Variants in PLXNA4 observed in about 807,000 individuals in gnomAD.
PLXNA4 encodes plexin-A4.
Under a neutral mutation model 191.8 loss-of-function variants are expected in PLXNA4, and 44 were observed. The ratio of observed to expected loss-of-function variants is 0.23; its 90% CI spans 0.18 to 0.29. The LOEUF (loss-of-function observed/expected upper bound fraction) is 0.29, where lower values mean the gene tolerates loss of function less well. PLXNA4 is among the 10% of genes least tolerant of loss of function. The pLI is 1.00. For synonymous variants in PLXNA4, 1,082 were observed against 1,009.5 expected, an observed-to-expected ratio of 1.07 and a Z score of -1.36; for missense variants, 1,800 against 2,488.8, an observed-to-expected ratio of 0.72 and a Z score of 5.89.
intron 3 of PLXNA4, among the ~76,000 whole-genome samples, chr7:132,440,633 T>C (rs1289319467): frequency 6.6e-6 from 1 of 152,224 alleles, no homozygotes; most frequent in African/African-American, 2.4e-5. Flanking sequence ...TGAATGCTTT[T>C]GCAGTTTTTT....
At chr7:132,266,865 C>T (rs1799877492) in intron 4 of PLXNA4, among the ~76,000 whole-genome samples, 1 of 152,250 alleles carries the variant, frequency 6.6e-6, no homozygotes, top group South Asian at 2.1e-4. Flanking sequence ...AATAAAGTGA[C>T]TGGGCTTCAA....
chr7:132,272,483 A>T (rs73157247), intron 4 of PLXNA4, among the ~76,000 whole-genome samples: 12,836 of 152,222 alleles, frequency 0.084, 708 homozygotes, highest in African/African-American at 0.15. Context: ...GTTTTTATTT[A>T]TTCACTATTT....
intron 1 of PLXNA4, among the ~76,000 whole-genome samples, chr7:132,565,312 G>A (rs982695801): frequency 2.6e-5 from 4 of 152,056 alleles, no homozygotes; most frequent in Non-Finnish European, 4.4e-5. Context: ...TTAGAAGCTC[G>A]GTCTCTGTAT....
chr7:132,194,027 T>G (rs766515835), intron 14 of PLXNA4, 35 bp downstream of exon 14: 1 of 1,596,666 alleles, frequency 6.3e-7, no homozygotes, highest in Non-Finnish European at 8.6e-7. Flanking sequence ...CTCTGTGGCC[T>G]GCACCCAGCC....
chr7:132,163,755 A>G (rs1334080256), intron 24 of PLXNA4, among the ~76,000 whole-genome samples: 3 of 152,198 alleles, frequency 2.0e-5, no homozygotes, highest in Non-Finnish European at 4.4e-5. Flanking sequence ...AACTCTTTCT[A>G]GCTTCCTTTC....
chr7:132,560,123 A>G (rs1216978021), intron 1 of PLXNA4, among the ~76,000 whole-genome samples: 5 of 152,166 alleles, frequency 3.3e-5, no homozygotes, highest in African/African-American at 1.2e-4. Flanking sequence ...ATTATTCCTA[A>G]TGGGCAAGGT....
At chr7:132,280,730 A>G (rs919646360) in intron 4 of PLXNA4, among the ~76,000 whole-genome samples, 1 of 152,202 alleles carries the variant, frequency 6.6e-6, no homozygotes, top group African/African-American at 2.4e-5. Flanking sequence ...CTGAGTCTAC[A>G]CAACAAACTC....
At chr7:132,267,315 C>G (rs1025217319) in intron 4 of PLXNA4, among the ~76,000 whole-genome samples, 1 of 152,210 alleles carries the variant, frequency 6.6e-6, no homozygotes, top group Non-Finnish European at 1.5e-5. Flanking sequence ...GAACACTTTC[C>G]TCTCTAGTCA....
chr7:132,227,423 C>A, intron 7 of PLXNA4, 28 bp downstream of exon 7: 1 of 1,613,782 alleles, frequency 6.2e-7, no homozygotes, highest in Non-Finnish European at 8.5e-7. Flanking sequence ...GAAGAAGTGC[C>A]ACTCAGCTGT....
chr7:132,428,785 G>A (rs974060155), intron 3 of PLXNA4, among the ~76,000 whole-genome samples: 1 of 152,014 alleles, frequency 6.6e-6, no homozygotes, highest in African/African-American at 2.4e-5. Context: ...AATCAGTTTA[G>A]GAAACAGCTC....
intron 1 of PLXNA4, among the ~76,000 whole-genome samples, chr7:132,540,331 C>G (rs1458822638): frequency 1.3e-5 from 2 of 152,190 alleles, no homozygotes; most frequent in Non-Finnish European, 2.9e-5. Flanking sequence ...AGCTCTCACT[C>G]TAGACATTTC....
chr7:132,449,573 G>T (rs932295356), intron 3 of PLXNA4, among the ~76,000 whole-genome samples: 2 of 152,202 alleles, frequency 1.3e-5, no homozygotes, highest in African/African-American at 4.8e-5. Context: ...AAGGGGTGAG[G>T]AGGCAGAGGT....
intron 4 of PLXNA4, among the ~76,000 whole-genome samples, chr7:132,242,473 G>A (rs1057053760): frequency 3.3e-5 from 5 of 152,078 alleles, no homozygotes; most frequent in African/African-American, 1.2e-4. Flanking sequence ...TTCTCAATTA[G>A]TCTCCAACTC....
rs1205760154 is a variant in PLXNA4, at chr7:132,562,035, TC to T, written c.-87+14386del. On this transcript the variant is annotated intron_variant, in intron 1 of 31. Transcript: ENST00000321063. ...CTACTCCTCCTCCTCCTCCTTCTCC[TC>T]CTCTTCCTCCTCCTCTCCCTCCTCC... Among the ~76,000 whole-genome samples the T allele has an allele frequency of 4.6e-5, 6 of 131,082 alleles. 1 individual carries two copies. Among genetic ancestry groups the T allele is most frequent in the East Asian group, 2.6e-4 (1 of 3,828 alleles). 86.0% of individuals were successfully genotyped at this position (131,082 alleles called of 152,430 possible).
At chr7:132,433,895 A>T (rs903043842) in intron 3 of PLXNA4, among the ~76,000 whole-genome samples, 67 of 152,294 alleles carry the variant, frequency 4.4e-4, no homozygotes, top group African/African-American at 1.5e-3. Context: ...TAGAAACAAA[A>T]GTGCCTGACA....
At position 132,199,353 on chromosome 7, in the gene PLXNA4, T is replaced by G. The variant is rs373280125; in HGVS notation, c.2587-717A>C. Among the ~76,000 whole-genome samples, 242 of 152,356 alleles carry G rather than the reference T, an allele frequency of 1.6e-3. 10 individuals carry two copies. The South Asian group carries it at 0.044, about 28-fold the overall frequency. ...ATTTGTCACAACTCCTTTGCCGTTG[T>G]TGTTTGGCCTGGTACCACATAGATT... On this transcript the variant is annotated intron_variant, in intron 12 of 31. Transcript: ENST00000321063.
intron 3 of PLXNA4, among the ~76,000 whole-genome samples, chr7:132,474,627 C>T (rs1389139122): frequency 5.9e-5 from 9 of 151,526 alleles, no homozygotes; most frequent in African/African-American, 2.2e-4. Flanking sequence ...CATGTACACA[C>T]ACACACACAC....
Position 132,359,106 on chromosome 7 carries a change from AC to A in PLXNA4, c.1372-60885del, listed in dbSNP as rs570971457. ...TCAGTTTTCTCCTCTGCAAATGGGT[AC>A]TACAAAGAGACTCAAAGTTAGACCT... On this transcript the variant is annotated intron_variant, in intron 3 of 31. Coordinates refer to ENST00000321063, the MANE Select transcript of PLXNA4 (RefSeq NM_020911.2). Among the ~76,000 whole-genome samples the A allele has an allele frequency of 1.5e-3, 230 of 151,996 alleles. 1 individual carries two copies. Among genetic ancestry groups the A allele is most frequent in the Admixed American group, 3.9e-3 (59 of 15,254 alleles).
intron 2 of PLXNA4, among the ~76,000 whole-genome samples, chr7:132,641,539 C>A (rs780229481): frequency 1.3e-5 from 2 of 152,134 alleles, no homozygotes; most frequent in African/African-American, 2.4e-5. Flanking sequence ...GGGGTTAGAG[C>A]TCCAACATGT....
Sources: allele counts gnomAD v4.1 joint callset (sites outside exome capture counted in the v4.1 genomes callset), GRCh38; gene constraint gnomAD v4.1.1; transcripts MANE v1.5; gene names NCBI Gene and HGNC (gene_info 2026-07-23, HGNC 2026-07-21).